The following TANC1 variants were observed in gnomAD, a reference collection of about 807,000 sequenced individuals.
TANC1 encodes the protein tetratricopeptide repeat, ankyrin repeat and coiled-coil containing 1.
In TANC1, 77 loss-of-function variants were observed where a neutral mutation model predicts 149.7. The ratio of observed to expected loss-of-function variants is 0.51; its 90% CI spans 0.43 to 0.62. The LOEUF (loss-of-function observed/expected upper bound fraction) is 0.62, where lower values mean the gene tolerates loss of function less well. Ranked by LOEUF, TANC1 falls within the 20% of genes least tolerant of loss-of-function variation. The pLI, the probability that TANC1 is intolerant of heterozygous loss-of-function variation, is 0.00. For synonymous variants in TANC1, 854 were observed against 925.0 expected (o/e 0.92, Z 1.39); for missense variants, 1,985 against 2,321.8 (o/e 0.85, Z 2.98).
Position 159,136,061 on chromosome 2 carries a change from C to CACGT in TANC1, c.260-133_260-132insACGT, listed in dbSNP as rs1553568485. 29 of 468,474 alleles carry CACGT rather than the reference C, an allele frequency of 6.2e-5. No individual in the cohort carries two copies. In the African/African-American group the frequency reaches 6.2e-4, roughly 10 times the overall value. 29.0% of individuals were successfully genotyped at this position (468,474 alleles called of 1,614,324 possible). A position where few individuals can be genotyped will look rare whatever the true frequency, so the allele number is the denominator to read the frequency against. On this transcript the variant is annotated intron_variant, in intron 4 of 26. Transcript: ENST00000263635. ...GTGTGTGTGTGTGTGCGCGCGCGCG[C>CACGT]GTTTAAGGGAGGGGAAGGCACTGGC...
intron 4 of TANC1, among the ~76,000 whole-genome samples, chr2:159,115,656 A>G (rs2048171267): frequency 6.6e-6 from 1 of 152,140 alleles, no homozygotes; most frequent in African/African-American, 2.4e-5. Flanking sequence ...GAGAATCCAT[A>G]TCCTGGCATA....
intron 1 of TANC1, among the ~76,000 whole-genome samples, chr2:158,997,489 C>T (rs2036239697): frequency 6.6e-6 from 1 of 152,156 alleles, no homozygotes; most frequent in Non-Finnish European, 1.5e-5. Flanking sequence ...AACAATAACA[C>T]CCCAGTATCT....
intron 4 of TANC1, among the ~76,000 whole-genome samples, chr2:159,100,780 A>G (rs2046606624): frequency 6.6e-6 from 1 of 151,878 alleles, no homozygotes. Flanking sequence ...GATGAACAGT[A>G]TTTTTTTTCA....
rs764624644 is a variant in TANC1, at chr2:159,225,702, G to A, written c.3826G>A (p.Ala1276Thr). 6.2e-7 allele frequency: 1 copy of A among 1,614,072 alleles called. No homozygotes were observed. The highest frequency in any genetic ancestry group is 8.5e-7 in the Non-Finnish European group (1 of 1,179,918). The change falls in exon 24 of 27, where the codon GCG becomes ACG. Residue 1276 changes from alanine to threonine, a missense_variant. Coordinates refer to ENST00000263635, the MANE Select transcript of TANC1 (RefSeq NM_033394.3). ...KGAKLGNAAWAMATSKPDILI... is the reference protein window; with the variant it reads ...KGAKLGNAAWTMATSKPDILI... ...TTGTTTTGCAGGAAATGCTGCTTGG[G>A]CGATGGCCACTTCCAAACCTGATAT...
intron 16 of TANC1, among the ~76,000 whole-genome samples, chr2:159,188,370 T>G (rs13413382): frequency 6.6e-6 from 1 of 152,136 alleles, no homozygotes; most frequent in African/African-American, 2.4e-5. Flanking sequence ...AGATGGATTT[T>G]AGTTGCAGTG....
At chr2:158,968,940 C>T (rs1053327952) in intron 1 of TANC1, among the ~76,000 whole-genome samples, 158 bp downstream of exon 1, 2 of 152,124 alleles carry the variant, frequency 1.3e-5, no homozygotes, top group Non-Finnish European at 2.9e-5. Context: ...CCTCCTCCGC[C>T]GGGCACACCC....
intron 19 of TANC1, among the ~76,000 whole-genome samples, chr2:159,210,760 G>A (rs1208323261): frequency 6.6e-6 from 1 of 152,052 alleles, no homozygotes; most frequent in Non-Finnish European, 1.5e-5. Context: ...TAGAGACAGG[G>A]TTTCACCATG....
At chr2:159,147,803 A>G (rs925597792) in intron 5 of TANC1, 3 of 152,204 alleles carry the variant, frequency 2.0e-5, no homozygotes, top group Non-Finnish European at 4.4e-5. Flanking sequence ...AGGAGCTTTT[A>G]CCAGTAAGCA....
intron 2 of TANC1, among the ~76,000 whole-genome samples, chr2:159,045,275 C>CA (rs980368135): frequency 5.3e-5 from 8 of 151,908 alleles, no homozygotes; most frequent in African/African-American, 1.2e-4. Context: ...ACTAAAAATA[C>CA]AAAAAAATTA....
chr2:159,227,975 G>GC lies in TANC1; in HGVS notation c.4050+14dup. Reference sequence around the variant, plus strand: ...CCGAAGAAAAACAAATGTAAGCTGTGCCCCTTTATTCCAACCCAGTCTTCC... The same window carrying GC: ...CCGAAGAAAAACAAATGTAAGCTGTGCCCCCTTTATTCCAACCCAGTCTTCC... On this transcript the variant is annotated intron_variant, in intron 25 of 26. Coordinates refer to ENST00000263635, the MANE Select transcript of TANC1 (RefSeq NM_033394.3). 1.2e-6 allele frequency: 2 copies of GC among 1,610,192 alleles called. No individual in the cohort carries two copies. Among genetic ancestry groups the GC allele is most frequent in the Non-Finnish European group, 8.5e-7 (1 of 1,178,832 alleles).
chr2:159,147,609 G>A (rs2052285777), intron 5 of TANC1: 1 of 152,406 alleles, frequency 6.6e-6, no homozygotes, highest in African/African-American at 2.4e-5. Flanking sequence ...CCCGCCCTGG[G>A]GTGGCTCCTT....
Position 159,219,281 on chromosome 2 carries a change from G to C in TANC1, c.3422G>C (p.Ser1141Thr), listed in dbSNP as rs776805192. ...LLERGCDVNL[S>T]DKQGRTPLMV... ...GAACGCGGCTGTGATGTGAACCTAA[G>C]TGACAAGCAAGGCCGGACGCCCCTC... The change falls in exon 21 of 27, where the codon AGT becomes ACT. Residue 1141 changes from serine (S) to threonine (T), a missense_variant. By Grantham distance (58) the Ser-to-Thr change is moderately conservative. Transcript: ENST00000263635. The C allele has an allele frequency of 3.7e-6, 6 of 1,614,218 alleles. No homozygotes were observed. The highest frequency in any genetic ancestry group is 1.7e-5 in the Admixed American group (1 of 60,024).
intron 2 of TANC1, among the ~76,000 whole-genome samples, chr2:159,051,147 G>C (rs901271732): frequency 6.6e-6 from 1 of 152,126 alleles, no homozygotes; most frequent in African/African-American, 2.4e-5. Flanking sequence ...CATGTGTCTT[G>C]TTTTCCACTG....
intron 5 of TANC1, among the ~76,000 whole-genome samples, chr2:159,140,209 G>A (rs1369990400): frequency 6.6e-6 from 1 of 150,838 alleles, no homozygotes; most frequent in Non-Finnish European, 1.5e-5. Flanking sequence ...GAGACAGAGT[G>A]AGACCCTGTC....
intron 4 of TANC1, among the ~76,000 whole-genome samples, chr2:159,133,362 T>C (rs199811726): frequency 4.0e-4 from 22 of 54,858 alleles, no homozygotes; most frequent in South Asian, 1.1e-3. Context: ...TTTTTTTCTC[T>C]TTTTTTGTCT....
intron 4 of TANC1, among the ~76,000 whole-genome samples, chr2:159,121,615 C>T (rs755078994): frequency 2.6e-4 from 39 of 152,186 alleles, no homozygotes; most frequent in Admixed American, 5.9e-4. Context: ...TGAGCCACTA[C>T]GCCCAGCAGT....
chr2:159,222,632 CATCT>C (rs2059775848), intron 22 of TANC1, among the ~76,000 whole-genome samples: 1 of 152,172 alleles, frequency 6.6e-6, no homozygotes, highest in Non-Finnish European at 1.5e-5. Flanking sequence ...TTTATCCAGT[CATCT>C]GTCAGTGGAC....
intron 9 of TANC1, 69 bp from the exon 10 acceptor site, chr2:159,170,455 A>G (rs2055082388): frequency 7.9e-6 from 11 of 1,396,624 alleles, no homozygotes; most frequent in Non-Finnish European, 1.1e-5. Flanking sequence ...CACACAAGCA[A>G]TAATATTTGA....
intron 16 of TANC1, among the ~76,000 whole-genome samples, chr2:159,188,300 A>G (rs922095537): frequency 6.6e-6 from 1 of 152,244 alleles, no homozygotes; most frequent in Non-Finnish European, 1.5e-5. Flanking sequence ...ATTTTGAACA[A>G]TAATTGCAGT....
Sources: gnomAD v4.1 joint callset for allele counts (sites outside exome capture counted in the v4.1 genomes callset) on GRCh38, gnomAD v4.1.1 for gene constraint, MANE v1.5 for transcripts, NCBI Gene and HGNC (gene_info 2026-07-23, HGNC 2026-07-21) for gene names.